Variants in ACOT13 observed in about 807,000 individuals in gnomAD.
The protein encoded by ACOT13 is acyl-CoA thioesterase 13.
Under a neutral mutation model 11.8 loss-of-function variants are expected in ACOT13, and 10 were observed. That is an observed-to-expected ratio of 0.85 (90% CI 0.53 to 1.44). The LOEUF (loss-of-function observed/expected upper bound fraction) is 1.44, where lower values mean the gene tolerates loss of function less well. Ranked by LOEUF, ACOT13 falls within the 40% of genes most tolerant of loss-of-function variation. The probability of loss-of-function intolerance (pLI) is 0.00; values close to 1 mark genes in which losing one functional copy is unlikely to be tolerated. For missense variants in ACOT13, 172 were observed against 174.1 expected (o/e 0.99, Z 0.07); for synonymous variants, 53 against 61.0 (o/e 0.87, Z 0.61).
Position 24,667,253 on chromosome 6 carries a change from A to G in ACOT13, c.-11A>G. On this transcript the variant is annotated 5_prime_UTR_variant, in exon 1 of 3. Transcript: ENST00000230048. ...CTTGCGCAAAGCCCAAAGGCTGGAAAACCGTCCACGATGACCAGCATGACT... is the reference window on the plus strand; with the variant it reads ...CTTGCGCAAAGCCCAAAGGCTGGAAGACCGTCCACGATGACCAGCATGACT... 6.2e-7 allele frequency: 1 copy of G among 1,613,944 alleles called. No individual in the cohort carries two copies. Among genetic ancestry groups the G allele is most frequent in the Non-Finnish European group, 8.5e-7 (1 of 1,179,950 alleles).
chr6:24,695,974 C>T (rs1042812451), intron 1 of ACOT13, among the ~76,000 whole-genome samples: 16 of 152,094 alleles, frequency 1.1e-4, no homozygotes, highest in Non-Finnish European at 1.9e-4. Context: ...GGGAGGATTG[C>T]TTGAACCTGG....
chr6:24,703,263 CAAGTT>C lies in ACOT13; in HGVS notation c.*1651_*1655del, dbSNP rs1234885993. The C allele has an allele frequency of 2.6e-5, 4 of 152,104 alleles. No homozygotes were observed. Among genetic ancestry groups the C allele is most frequent in the East Asian group, 1.9e-4 (1 of 5,182 alleles). 9.4% of individuals were successfully genotyped at this position (152,104 alleles called of 1,614,324 possible). A position where few individuals can be genotyped will look rare whatever the true frequency, so the allele number is the denominator to read the frequency against. On this transcript the variant is annotated 3_prime_UTR_variant, in exon 3 of 3. Coordinates refer to ENST00000230048, the MANE Select transcript of ACOT13 (RefSeq NM_018473.4). ...GATGCAGCTTTAAGTAAATTTAAGT[CAAGTT>C]AACAGTTAAAGACAAATCCTTTCCC...
At chr6:24,699,347 C>T (rs1002875764) in intron 2 of ACOT13, among the ~76,000 whole-genome samples, 2 of 151,674 alleles carry the variant, frequency 1.3e-5, no homozygotes, top group African/African-American at 2.4e-5. Context: ...GTAGCTGGGA[C>T]TACAGGCGCC....
At chr6:24,688,183 G>A (rs1324939596) in intron 1 of ACOT13, among the ~76,000 whole-genome samples, 1 of 151,862 alleles carries the variant, frequency 6.6e-6, no homozygotes, top group East Asian at 1.9e-4. Flanking sequence ...GACAAAATAA[G>A]GCATTTTTTT....
chr6:24,687,817 T>G (rs971966833), intron 1 of ACOT13: 1 of 986,590 alleles, frequency 1.0e-6, no homozygotes. Context: ...GTTCAAGTAT[T>G]TCTCCTGCTT....
chr6:24,671,480 G>A (rs1778364855), intron 1 of ACOT13, among the ~76,000 whole-genome samples: 1 of 151,702 alleles, frequency 6.6e-6, no homozygotes, highest in South Asian at 2.1e-4. Flanking sequence ...GGGGATGGGG[G>A]AGGGATAGCA....
intron 1 of ACOT13, among the ~76,000 whole-genome samples, chr6:24,680,236 G>T (rs982210183): frequency 3.9e-5 from 6 of 152,122 alleles, no homozygotes; most frequent in Non-Finnish European, 7.4e-5. Flanking sequence ...GCTGTAAGAT[G>T]GTGTTATAAT....
At position 24,701,472 on chromosome 6, in the gene ACOT13, G is replaced by A. The variant is rs1347048496; in HGVS notation, c.280G>A (p.Ala94Thr). ...VDMNITYMSP[A>T]KLGEDIVITA... ...TTTTCTTTCAAGGTACATGTCACCT[G>A]CAAAATTAGGAGAAGATATAGTGAT... is the stretch of plus-strand genomic sequence containing the variant. Residue 94 changes from alanine to threonine, a missense_variant, in exon 3 of 3, where the codon GCA (alanine) becomes ACA (threonine). By Grantham distance (58) the Ala-to-Thr change is moderately conservative. Transcript: ENST00000230048. 7 of 1,605,272 alleles carry A rather than the reference G, an allele frequency of 4.4e-6. No homozygotes were observed. The highest frequency in any genetic ancestry group is 2.6e-6 in the Non-Finnish European group (3 of 1,176,064).
At chr6:24,698,666 A>T (rs1245708097) in intron 2 of ACOT13, among the ~76,000 whole-genome samples, 1 of 144,556 alleles carries the variant, frequency 6.9e-6, no homozygotes, top group South Asian at 2.2e-4. Context: ...TTGGACACGG[A>T]GTCTCCCCAT....
intron 1 of ACOT13, among the ~76,000 whole-genome samples, chr6:24,697,081 A>T (rs571096815): frequency 3.1e-4 from 47 of 152,284 alleles, no homozygotes; most frequent in African/African-American, 1.1e-3. Flanking sequence ...GCCAAAAATC[A>T]TAAAATTTTA....
intron 1 of ACOT13, among the ~76,000 whole-genome samples, chr6:24,667,619 A>G (rs1278701863): frequency 6.6e-6 from 1 of 152,222 alleles, no homozygotes; most frequent in East Asian, 1.9e-4. Context: ...TGATCCTTCA[A>G]CCAACAAACG....
At chr6:24,678,459 C>T (rs1390922851) in intron 1 of ACOT13, among the ~76,000 whole-genome samples, 1 of 152,138 alleles carries the variant, frequency 6.6e-6, no homozygotes, top group Non-Finnish European at 1.5e-5. Context: ...GCTTTTAAGT[C>T]CTTAACAATC....
intron 1 of ACOT13, among the ~76,000 whole-genome samples, chr6:24,688,175 C>G (rs1478717280): frequency 6.6e-6 from 1 of 151,522 alleles, no homozygotes; most frequent in African/African-American, 2.4e-5. Flanking sequence ...ATACACAAGA[C>G]AAAATAAGGC....
chr6:24,699,969 A>AAGTT (rs1778866409), intron 2 of ACOT13, among the ~76,000 whole-genome samples: 1 of 152,204 alleles, frequency 6.6e-6, no homozygotes, highest in South Asian at 2.1e-4. Context: ...GGTCTTTCAA[A>AAGTT]AGTTAGAGAT....
At chr6:24,681,468 C>T (rs929511523) in intron 1 of ACOT13, among the ~76,000 whole-genome samples, 1 of 151,726 alleles carries the variant, frequency 6.6e-6, no homozygotes, top group Non-Finnish European at 1.5e-5. Context: ...TTTAAATTTA[C>T]GCTGGCTTTT....
rs1339778723 is a variant in ACOT13 at position 24,702,368 on chromosome 6, C to G, written c.*753C>G. 6.6e-6 allele frequency: 1 copy of G among 152,252 alleles called. No homozygotes were observed. Among genetic ancestry groups the G allele is most frequent in the Non-Finnish European group, 1.5e-5 (1 of 68,106 alleles). 9.4% of individuals were successfully genotyped at this position (152,252 alleles called of 1,614,324 possible). A position where few individuals can be genotyped will look rare whatever the true frequency, so the allele number is the denominator to read the frequency against. ...TCAGGTGATCCGCCTGCCTTGGCCC[C>G]CCAAAGTGCTGGGATTACAGGTGTG... On this transcript the variant is annotated 3_prime_UTR_variant, in exon 3 of 3. Transcript: ENST00000230048.
At chr6:24,699,076 AAG>A (rs1778847880) in intron 2 of ACOT13, among the ~76,000 whole-genome samples, 1 of 152,256 alleles carries the variant, frequency 6.6e-6, no homozygotes. Context: ...TCAATAAAGA[AAG>A]AGCTGGGCAC....
intron 2 of ACOT13, among the ~76,000 whole-genome samples, chr6:24,698,654 T>G (rs1778838412): frequency 6.6e-6 from 1 of 151,902 alleles, no homozygotes; most frequent in South Asian, 2.1e-4. Context: ...TTTTTTTTTT[T>G]TTTGGACACG....
chr6:24,668,748 A>T (rs1032506218), intron 1 of ACOT13, among the ~76,000 whole-genome samples: 11 of 152,356 alleles, frequency 7.2e-5, no homozygotes, highest in East Asian at 1.9e-4. Flanking sequence ...GTGCAATCAG[A>T]TGGTGAAGTT....
Sources: allele counts gnomAD v4.1 joint callset (sites outside exome capture counted in the v4.1 genomes callset), GRCh38; gene constraint gnomAD v4.1.1; transcripts MANE v1.5; gene names NCBI Gene and HGNC (gene_info 2026-07-23, HGNC 2026-07-21).